Variants in SGCZ observed in about 807,000 individuals in gnomAD.
The protein encoded by SGCZ is sarcoglycan zeta, also known as zeta-sarcoglycan.
SGCZ carries 40 observed loss-of-function variants against 41.3 expected under a neutral mutation model. The ratio of observed to expected loss-of-function variants is 0.97; its 90% CI spans 0.75 to 1.26. SGCZ has a LOEUF of 1.26. Ranked by LOEUF, SGCZ falls within the 50% of genes most tolerant of loss-of-function variation. SGCZ has a pLI of 0.00. For missense variants in SGCZ, 552 were observed against 369.8 expected, an observed-to-expected ratio of 1.49 and a Z score of -4.04; for synonymous variants, 206 against 137.5, an observed-to-expected ratio of 1.50 and a Z score of -3.49.
intron 1 of SGCZ, among the ~76,000 whole-genome samples, chr8:15,105,277 C>T (rs755080012): frequency 6.6e-6 from 1 of 152,098 alleles, no homozygotes; most frequent in Non-Finnish European, 1.5e-5. Flanking sequence ...TCGACCTTGT[C>T]CATGATTATT....
intron 1 of SGCZ, among the ~76,000 whole-genome samples, chr8:14,559,127 C>T (rs1285224478): frequency 1.3e-5 from 2 of 152,024 alleles, no homozygotes; most frequent in Non-Finnish European, 2.9e-5. Flanking sequence ...AAGTCCTAGT[C>T]AGAGCAATCA....
At chr8:14,673,443 GCTGT>G (rs958937793) in intron 1 of SGCZ, among the ~76,000 whole-genome samples, 18 of 151,510 alleles carry the variant, frequency 1.2e-4, no homozygotes, top group African/African-American at 4.1e-4. Flanking sequence ...TCGCGCTCGC[GCTGT>G]CTCTCTCTCT....
At chr8:14,274,677 C>CT (rs1800170444) in intron 3 of SGCZ, among the ~76,000 whole-genome samples, 1 of 152,222 alleles carries the variant, frequency 6.6e-6, no homozygotes, top group South Asian at 2.1e-4. Flanking sequence ...TTTATTTAGA[C>CT]AACCTCAAAT....
intron 1 of SGCZ, among the ~76,000 whole-genome samples, chr8:14,624,769 C>T (rs892014168): frequency 5.0e-4 from 75 of 151,420 alleles, no homozygotes; most frequent in Non-Finnish European, 1.8e-4. Flanking sequence ...CGGGGTTTCA[C>T]CATGTTGGCC....
chr8:15,002,693 TC>T (rs1802469904), intron 1 of SGCZ, among the ~76,000 whole-genome samples: 2 of 152,194 alleles, frequency 1.3e-5, no homozygotes, highest in Non-Finnish European at 2.9e-5. Context: ...ATTTTGTCCA[TC>T]TTAAAATAGA....
chr8:15,214,205 T>C (rs1402855126), intron 1 of SGCZ, among the ~76,000 whole-genome samples: 1 of 152,226 alleles, frequency 6.6e-6, no homozygotes, highest in Non-Finnish European at 1.5e-5. Flanking sequence ...GAATGATCCA[T>C]AATATAAAAT....
chr8:14,494,001 A>T (rs1801918581), intron 2 of SGCZ, among the ~76,000 whole-genome samples: 1 of 152,178 alleles, frequency 6.6e-6, no homozygotes, highest in African/African-American at 2.4e-5. Flanking sequence ...ATCTGTCACA[A>T]GTGGAAGGAC....
chr8:14,630,995 A>C lies in SGCZ; in HGVS notation c.40-76069T>G, dbSNP rs1233553886. The stretch of plus-strand genomic sequence containing the variant: ...TGTAACAAACCTGCACGTTGTGCAC[A>C]TGTAGCCTAGAACTTAAAGTATAAT... On this transcript the variant is annotated intron_variant, in intron 1 of 7. Transcript: ENST00000382080. Among the ~76,000 whole-genome samples, 4 of 152,242 alleles carry C rather than the reference A, an allele frequency of 2.6e-5. No homozygotes were observed. In the East Asian group the frequency reaches 5.8e-4, roughly 22 times the overall value.
intron 1 of SGCZ, among the ~76,000 whole-genome samples, chr8:14,788,889 T>C (rs1800856689): frequency 6.6e-6 from 1 of 152,084 alleles, no homozygotes; most frequent in Non-Finnish European, 1.5e-5. Flanking sequence ...GGTAGGAAGA[T>C]TGCTCGGGGC....
intron 2 of SGCZ, among the ~76,000 whole-genome samples, chr8:14,551,875 C>T (rs1000370970): frequency 2.7e-5 from 4 of 150,192 alleles, no homozygotes; most frequent in South Asian, 2.1e-4. Flanking sequence ...GAATATCGCT[C>T]ATAATGATGG....
chr8:14,585,230 T>C (rs920866476), intron 1 of SGCZ, among the ~76,000 whole-genome samples: 1 of 152,150 alleles, frequency 6.6e-6, no homozygotes, highest in African/African-American at 2.4e-5. Context: ...TCTGGTTCTC[T>C]AGTTATTTTC....
At chr8:14,764,831 T>C (rs1246501188) in intron 1 of SGCZ, among the ~76,000 whole-genome samples, 1 of 152,214 alleles carries the variant, frequency 6.6e-6, no homozygotes, top group African/African-American at 2.4e-5. Context: ...GCTTCTGATA[T>C]GTAGAAGAGT....
intron 2 of SGCZ, among the ~76,000 whole-genome samples, chr8:14,485,340 G>T (rs1379788605): frequency 2.0e-5 from 3 of 152,130 alleles, no homozygotes; most frequent in African/African-American, 7.2e-5. Flanking sequence ...GGGTTCAAGC[G>T]ATTCTCCCGC....
intron 3 of SGCZ, among the ~76,000 whole-genome samples, chr8:14,238,231 T>A (rs1806838530): frequency 6.6e-6 from 1 of 152,224 alleles, no homozygotes; most frequent in South Asian, 2.1e-4. Flanking sequence ...GCTTGTTTAT[T>A]TAATTTTGTC....
chr8:15,104,942 T>G (rs1397270286), intron 1 of SGCZ, among the ~76,000 whole-genome samples: 1 of 152,210 alleles, frequency 6.6e-6, no homozygotes, highest in East Asian at 1.9e-4. Flanking sequence ...TGTTGCTGTT[T>G]GTGCTGAGAT....
At chr8:14,210,991 A>G (rs1167282287) in intron 4 of SGCZ, among the ~76,000 whole-genome samples, 3 of 152,186 alleles carry the variant, frequency 2.0e-5, no homozygotes. Context: ...AACCCACTTC[A>G]AGCTATATTA....
At chr8:15,122,451 C>A (rs1480662565) in intron 1 of SGCZ, among the ~76,000 whole-genome samples, 2 of 151,996 alleles carry the variant, frequency 1.3e-5, no homozygotes, top group Non-Finnish European at 2.9e-5. Flanking sequence ...TTCCTGTGAG[C>A]TGAAATGTTT....
rs77064003 is a variant in SGCZ, at chr8:15,032,758, C to T, written c.39+204827G>A. Among the ~76,000 whole-genome samples, 1,091 of 152,254 alleles carry T rather than the reference C, an allele frequency of 7.2e-3. 14 individuals carry two copies. The highest frequency in any genetic ancestry group is 0.012 in the Non-Finnish European group (817 of 68,006). ...CTACTTTGGCCCCCACAGCCCCAGA[C>T]GTCAGGCCTGCCCTAGTACCAGGTC... On this transcript the variant is annotated intron_variant, in intron 1 of 7. Coordinates refer to ENST00000382080, the MANE Select transcript of SGCZ (RefSeq NM_139167.4).
intron 1 of SGCZ, among the ~76,000 whole-genome samples, chr8:14,707,874 A>G (rs917166928): frequency 6.6e-6 from 1 of 152,158 alleles, no homozygotes; most frequent in Non-Finnish European, 1.5e-5. Flanking sequence ...AATTTAAAAT[A>G]TATTAACAAT....
Sources: gnomAD v4.1 joint callset for allele counts (sites outside exome capture counted in the v4.1 genomes callset) on GRCh38, gnomAD v4.1.1 for gene constraint, MANE v1.5 for transcripts, NCBI Gene and HGNC (gene_info 2026-07-23, HGNC 2026-07-21) for gene names.